Variants in EYS observed in about 807,000 individuals in gnomAD.
EYS encodes protein eyes shut homolog.
In EYS, 250 loss-of-function variants were observed where a neutral mutation model predicts 282.1. That is an observed-to-expected ratio of 0.89 (90% CI 0.80 to 0.98). EYS has a LOEUF of 0.98. EYS is among the 50% of genes least tolerant of loss of function. EYS has a pLI of 0.00. For missense variants in EYS, 4,016 were observed against 3,709.0 expected, an observed-to-expected ratio of 1.08 and a Z score of -2.15; for synonymous variants, 1,355 against 1,282.9, an observed-to-expected ratio of 1.06 and a Z score of -1.20.
chr6:64,600,173 C>T (rs1222765272), intron 24 of EYS, among the ~76,000 whole-genome samples: 1 of 152,076 alleles, frequency 6.6e-6, no homozygotes, highest in Non-Finnish European at 1.5e-5. Context: ...TGAGTGGTTT[C>T]ATGCCATTGC....
intron 31 of EYS, among the ~76,000 whole-genome samples, chr6:64,197,349 G>T (rs1408151169): frequency 2.0e-5 from 3 of 152,088 alleles, no homozygotes; most frequent in Non-Finnish European, 4.4e-5. Context: ...CTGTAGATGG[G>T]TAAATCTATT....
intron 12 of EYS, among the ~76,000 whole-genome samples, chr6:65,150,772 T>A (rs1170021257): frequency 6.6e-6 from 1 of 152,006 alleles, no homozygotes; most frequent in East Asian, 1.9e-4. Context: ...ATTCTTTACA[T>A]AAATTTTAAA....
chr6:65,680,026 A>C (rs888146549), intron 1 of EYS, among the ~76,000 whole-genome samples: 7 of 151,600 alleles, frequency 4.6e-5, no homozygotes, highest in African/African-American at 1.7e-4. Flanking sequence ...TGTACATAAA[A>C]CTTGTGACGT....
intron 5 of EYS, among the ~76,000 whole-genome samples, chr6:65,487,605 T>A (rs1243814553): frequency 1.3e-5 from 2 of 152,210 alleles, no homozygotes; most frequent in African/African-American, 4.8e-5. Flanking sequence ...TTTGCGTCAA[T>A]GTTCATCAGG....
intron 12 of EYS, among the ~76,000 whole-genome samples, chr6:65,146,552 T>A (rs1764481248): frequency 1.3e-5 from 2 of 151,990 alleles, no homozygotes; most frequent in South Asian, 4.1e-4. Context: ...CTTCAAGTAA[T>A]CCTTGCTTTC....
At chr6:64,331,450 A>T (rs1770642240) in intron 29 of EYS, among the ~76,000 whole-genome samples, 1 of 151,864 alleles carries the variant, frequency 6.6e-6, no homozygotes. Context: ...GGAAGAGGAA[A>T]CCCTTACCAT....
rs1225304963 is a variant in EYS at position 63,720,994 on chromosome 6, GA to G, written c.9036del (p.Leu3013SerfsTer6). 1.4e-5 allele frequency: 22 copies of G among 1,551,272 alleles called. No individual in the cohort carries two copies. The highest frequency in any genetic ancestry group is 1.8e-5 in the Non-Finnish European group (21 of 1,146,768). On this transcript the variant is annotated frameshift_variant, in exon 43 of 43. Coordinates refer to ENST00000503581, the MANE Select transcript of EYS (RefSeq NM_001142800.2). LOFTEE classifies it high-confidence loss of function. ...GCTATTTTCAAGGTCTGATTATGGAGACCAATTGCCAGAAAATCATTTTCTT... is the reference window on the plus strand; with the variant it reads ...GCTATTTTCAAGGTCTGATTATGGAGCCAATTGCCAGAAAATCATTTTCTT... ...QNEENDFLAI[G>X]LHNQTLKIAV...
intron 21 of EYS, among the ~76,000 whole-genome samples, chr6:64,817,699 T>C (rs548700004): frequency 1.3e-5 from 2 of 152,286 alleles, no homozygotes; most frequent in South Asian, 4.1e-4. Flanking sequence ...TGAGAACATA[T>C]GGTATTTGTT....
At chr6:64,550,484 T>C (rs1765037728) in intron 26 of EYS, among the ~76,000 whole-genome samples, 3 of 152,180 alleles carry the variant, frequency 2.0e-5, no homozygotes, top group Non-Finnish European at 4.4e-5. Context: ...TAGCTATCGA[T>C]GACAAATCCA....
At chr6:65,181,077 A>C (rs1042949144) in intron 12 of EYS, among the ~76,000 whole-genome samples, 2 of 152,200 alleles carry the variant, frequency 1.3e-5, no homozygotes, top group Non-Finnish European at 2.9e-5. Context: ...TAGAGACTTA[A>C]ATGTTAGACC....
At chr6:65,447,801 CTT>C (rs1247422620) in intron 5 of EYS, among the ~76,000 whole-genome samples, 1 of 151,894 alleles carries the variant, frequency 6.6e-6, no homozygotes, top group African/African-American at 2.4e-5. Flanking sequence ...CTAGGGAACA[CTT>C]TGCTAAGGAA....
Position 65,402,544 on chromosome 6 carries a change from G to T in EYS, c.1118C>A (p.Ser373Ter). The T allele has an allele frequency of 6.4e-7, 1 of 1,562,260 alleles. No homozygotes were observed. Among genetic ancestry groups the T allele is most frequent in the Non-Finnish European group, 8.8e-7 (1 of 1,133,794 alleles). ...TDLLCKSIQT[S>*]CESFPLRNNA... ...ATTCCTCAAAGGAAATGACTCACAT[G>T]ATGTTTGAATGCTCTTACAAAGCAA... Residue 373 changes from serine to a stop codon, truncating the protein, a stop_gained, in exon 7 of 43, where the codon TCA becomes TAA. Transcript: ENST00000503581. LOFTEE classifies it high-confidence loss of function.
intron 12 of EYS, among the ~76,000 whole-genome samples, chr6:65,184,545 GAACA>G (rs1361556688): frequency 6.6e-6 from 1 of 150,630 alleles, no homozygotes; most frequent in Non-Finnish European, 1.5e-5. Flanking sequence ...AACAAACCGA[GAACA>G]AATATATAAA....
chr6:64,931,305 A>G (rs187239220), intron 15 of EYS, among the ~76,000 whole-genome samples: 3 of 152,258 alleles, frequency 2.0e-5, no homozygotes, highest in East Asian at 3.9e-4. Flanking sequence ...ATAGCATAAA[A>G]TTTAAGACTC....
chr6:64,017,910 C>A (rs1432527177), intron 33 of EYS, among the ~76,000 whole-genome samples: 1 of 152,160 alleles, frequency 6.6e-6, no homozygotes, highest in Non-Finnish European at 1.5e-5. Flanking sequence ...TATACATTTT[C>A]ATTGACCTTC....
chr6:64,705,198 A>G lies in EYS; in HGVS notation c.3444-78953T>C, dbSNP rs555002719. Among the ~76,000 whole-genome samples, 86 of 152,348 alleles carry G rather than the reference A, an allele frequency of 5.6e-4. 1 individual carries two copies. The highest frequency in any genetic ancestry group is 3.4e-3 in the Middle Eastern group (1 of 294). On this transcript the variant is annotated intron_variant, in intron 22 of 42. Transcript: ENST00000503581. ...ATACACCAACAGCGACCAAGCTGAG[A>G]ATCAAATTAAGAACTCAACCCCTTT...
chr6:65,348,303 C>A (rs533954630), intron 9 of EYS, among the ~76,000 whole-genome samples: 1 of 151,756 alleles, frequency 6.6e-6, no homozygotes, highest in Non-Finnish European at 1.5e-5. Context: ...TTTTTAGGAA[C>A]CTCCAAACTG....
intron 12 of EYS, among the ~76,000 whole-genome samples, chr6:65,290,352 A>G (rs1300745301): frequency 6.6e-6 from 1 of 151,172 alleles, no homozygotes; most frequent in Non-Finnish European, 1.5e-5. Flanking sequence ...TCTAACTATT[A>G]TAAGAGAAAA....
At chr6:65,526,277 T>G (rs2127302641) in intron 2 of EYS, among the ~76,000 whole-genome samples, 1 of 152,336 alleles carries the variant, frequency 6.6e-6, no homozygotes, top group Admixed American at 6.5e-5. Context: ...CAATACATGA[T>G]ATTTACAGAA....
Sources: gnomAD v4.1 joint callset for allele counts (sites outside exome capture counted in the v4.1 genomes callset) on GRCh38, gnomAD v4.1.1 for gene constraint, MANE v1.5 for transcripts, NCBI Gene and HGNC (gene_info 2026-07-23, HGNC 2026-07-21) for gene names.